PARP14: variants seen among roughly 807,000 people sequenced by gnomAD.
The protein encoded by PARP14 is protein mono-ADP-ribosyltransferase PARP14.
PARP14 carries 59 observed loss-of-function variants against 154.2 expected under a neutral mutation model. The observed-to-expected ratio is 0.38, with a 90% CI of 0.31 to 0.48. The LOEUF is 0.48. PARP14 is among the 20% of genes least tolerant of loss of function. The pLI, the probability that PARP14 is intolerant of heterozygous loss-of-function variation, is 0.98. For synonymous variants in PARP14, 720 were observed against 780.5 expected (o/e 0.92, Z 1.29); for missense variants, 1,734 against 2,131.6 (o/e 0.81, Z 3.67).
chr3:122,693,381 A>C (rs1938600443), intron 4 of PARP14, among the ~76,000 whole-genome samples: 1 of 152,180 alleles, frequency 6.6e-6, no homozygotes, highest in Non-Finnish European at 1.5e-5. Flanking sequence ...GGTTAAGAGC[A>C]CAGGTCATGG....
At chr3:122,685,339 A>C (rs751208197) in intron 2 of PARP14, 21 bp downstream of exon 2, 1 of 1,610,714 alleles carries the variant, frequency 6.2e-7, no homozygotes, top group South Asian at 1.1e-5. Flanking sequence ...TTTAGGCATG[A>C]ATAAAAGGGA....
chr3:122,683,787 G>A (rs1385177957), intron 1 of PARP14, among the ~76,000 whole-genome samples: 1 of 152,144 alleles, frequency 6.6e-6, no homozygotes, highest in Admixed American at 6.5e-5. Flanking sequence ...CACAATCTGA[G>A]AACAGACTGG....
At chr3:122,685,569 G>T (rs1371063483) in intron 2 of PARP14, among the ~76,000 whole-genome samples, 1 of 151,364 alleles carries the variant, frequency 6.6e-6, no homozygotes, top group Non-Finnish European at 1.5e-5. Flanking sequence ...GAGTACAGTG[G>T]TATAATCTTG....
chr3:122,713,740 CT>C, intron 10 of PARP14, 131 bp from the exon 11 acceptor site: 1 of 871,554 alleles, frequency 1.1e-6, no homozygotes, highest in Non-Finnish European at 1.8e-6. Flanking sequence ...AAGTTTTCTT[CT>C]TTGTCATCAG....
chr3:122,717,966 A>T, intron 12 of PARP14, 105 bp from the exon 13 acceptor site: 1 of 785,724 alleles, frequency 1.3e-6, no homozygotes, highest in Non-Finnish European at 2.1e-6. Flanking sequence ...GAAAGAATTG[A>T]GGAGTGGGCA....
At position 122,695,435 on chromosome 3, in the gene PARP14, G is replaced by A; in HGVS notation, c.608G>A (p.Arg203Lys). 1 of 1,523,398 alleles carries A rather than the reference G, an allele frequency of 6.6e-7. No homozygotes were observed. Among genetic ancestry groups the A allele is most frequent in the Non-Finnish European group, 9.0e-7 (1 of 1,105,734 alleles). 94.4% of individuals were successfully genotyped at this position (1,523,398 alleles called of 1,614,324 possible). ...VTFQKHIDTI[R>K]FVDDCTKHHS... ...TTTTTTTGGTTTGTAGATACTATAA[G>A]ATTTGTTGATGATTGTACCAAGCAC... Residue 203 changes from arginine to lysine, a missense_variant, in exon 5 of 17, where the codon AGA becomes AAA. Physicochemically the swap from Arg to Lys is conservative, Grantham distance 26 (BLOSUM62 2). This residue lies in a region of PARP14 where 1,646 missense variants were observed against 1,976.0 expected (regional missense o/e 0.83). Transcript: ENST00000474629.
At chr3:122,682,781 G>A (rs539028261) in intron 1 of PARP14, among the ~76,000 whole-genome samples, 1 of 152,128 alleles carries the variant, frequency 6.6e-6, no homozygotes, top group East Asian at 1.9e-4. Context: ...GCCGGGCGTG[G>A]TGGCTCACGC....
At position 122,700,796 on chromosome 3, in the gene PARP14, C is replaced by A; in HGVS notation, c.2242C>A (p.Pro748Thr). Residue 748 changes from proline (P) to threonine (T), a missense_variant, in exon 6 of 17, where the codon CCA becomes ACA. Pro to Thr is a conservative substitution (Grantham distance 38, BLOSUM62 -1). Transcript: ENST00000474629. ...TGTTAAAAGTGTCCATACTGATAAG[C>A]CAGGAGCCAAGCAGTTCTTCCAGGA... ...VCVKSVHTDKPGAKQFFQDKA... is the reference protein window; with the variant it reads ...VCVKSVHTDKTGAKQFFQDKA... 3.7e-6 allele frequency: 6 copies of A among 1,613,680 alleles called. No individual in the cohort carries two copies. The highest frequency in any genetic ancestry group is 4.2e-6 in the Non-Finnish European group (5 of 1,179,744).
At position 122,681,691 on chromosome 3, in the gene PARP14, C is replaced by CCT. The variant is rs927049703; in HGVS notation, c.187+623_187+624dup. Among the ~76,000 whole-genome samples the CCT allele has an allele frequency of 2.6e-5, 4 of 152,116 alleles. No individual in the cohort carries two copies. The highest frequency in any genetic ancestry group is 9.7e-5 in the African/African-American group (4 of 41,404). On this transcript the variant is annotated intron_variant, in intron 1 of 16. Transcript: ENST00000474629. The surrounding 1 kb of genome is among the most constrained non-coding windows in gnomAD (Gnocchi z 5.5). ...GCCTCTTCTCCGAGTCTCTAGTGGC[C>CCT]CTCAGATTGGGAGCAAGGATGATAT...
At chr3:122,707,171 C>T (rs1939182356) in intron 8 of PARP14, among the ~76,000 whole-genome samples, 1 of 152,128 alleles carries the variant, frequency 6.6e-6, no homozygotes, top group Non-Finnish European at 1.5e-5. Flanking sequence ...GTAATCCCAG[C>T]ACCTTGGGCA....
chr3:122,715,421 A>G (rs1025481056), intron 12 of PARP14, among the ~76,000 whole-genome samples: 1 of 152,150 alleles, frequency 6.6e-6, no homozygotes, highest in Non-Finnish European at 1.5e-5. Flanking sequence ...CCTCTGACCC[A>G]TATCTGTAAT....
chr3:122,720,168 G>T, intron 14 of PARP14, 87 bp from the exon 15 acceptor site: 1 of 1,302,464 alleles, frequency 7.7e-7, no homozygotes, highest in Non-Finnish European at 1.1e-6. Flanking sequence ...CTTAGAATTG[G>T]GAGATAGTAA....
chr3:122,723,914 A>AT (rs1453025806), intron 15 of PARP14, among the ~76,000 whole-genome samples: 1 of 148,576 alleles, frequency 6.7e-6, no homozygotes, highest in African/African-American at 2.4e-5. Context: ...GTTATTTGGC[A>AT]TTTTTTTGAA....
At chr3:122,705,969 T>C (rs1384246961) in intron 8 of PARP14, among the ~76,000 whole-genome samples, 3 of 152,222 alleles carry the variant, frequency 2.0e-5, no homozygotes, top group Admixed American at 6.5e-5. Flanking sequence ...ACAGGACGAA[T>C]AGGAATAGCA....
intron 12 of PARP14, 135 bp from the exon 13 acceptor site, chr3:122,717,936 T>C (rs1933039183): frequency 1.4e-6 from 1 of 697,286 alleles, no homozygotes; most frequent in Non-Finnish European, 2.4e-6. Flanking sequence ...TGATGCTTTG[T>C]TAGAAAATTC....
At chr3:122,693,330 A>G (rs563231127) in intron 4 of PARP14, among the ~76,000 whole-genome samples, 3 of 152,274 alleles carry the variant, frequency 2.0e-5, no homozygotes, top group African/African-American at 7.2e-5. Context: ...TACATTTTCC[A>G]ATTCTAAGCC....
chr3:122,686,907 G>C (rs1250746679), intron 2 of PARP14, 173 bp from the exon 3 acceptor site: 8 of 518,414 alleles, frequency 1.5e-5, no homozygotes, highest in Non-Finnish European at 3.4e-6. Context: ...TTTGTGACTT[G>C]CAAGTGAATA....
chr3:122,726,268 C>A (rs1399999319), intron 15 of PARP14, among the ~76,000 whole-genome samples: 1 of 152,188 alleles, frequency 6.6e-6, no homozygotes, highest in Non-Finnish European at 1.5e-5. Context: ...TCTTCCAATG[C>A]AGATCTGGTA....
chr3:122,699,559 G>T lies in PARP14; in HGVS notation c.1005G>T (p.Gln335His). Residue 335 changes from glutamine (Q) to histidine (H), a missense_variant, in exon 6 of 17, where the codon CAG (glutamine) becomes CAT (histidine). Coordinates refer to ENST00000474629, the MANE Select transcript of PARP14 (RefSeq NM_017554.3). ...ATCTTCCCTTATGGAAGTTCTTACAGAAAAAGAATCACCTCATTGAGGAGA... is the reference window on the plus strand; with the variant it reads ...ATCTTCCCTTATGGAAGTTCTTACATAAAAAGAATCACCTCATTGAGGAGA... ...SLDLPLWKFL[Q>H]KKNHLIEEIN... is the part of the protein sequence containing the mutation. 1 of 1,614,004 alleles carries T rather than the reference G, an allele frequency of 6.2e-7. No individual in the cohort carries two copies. Among genetic ancestry groups the T allele is most frequent in the Non-Finnish European group, 8.5e-7 (1 of 1,179,884 alleles).
Sources: allele counts gnomAD v4.1 joint callset (sites outside exome capture counted in the v4.1 genomes callset), GRCh38; gene constraint gnomAD v4.1.1; regional missense constraint gnomAD v4.1.1; non-coding constraint Gnocchi (gnomAD v3.1); transcripts MANE v1.5; gene names NCBI Gene and HGNC (gene_info 2026-07-23, HGNC 2026-07-21).